PCA3: variants seen among roughly 807,000 people sequenced by gnomAD.
The protein encoded by PCA3 is prostate cancer associated 3.
intron 2 of PCA3, among the ~76,000 whole-genome samples, chr9:76,777,602 T>A (rs981270938): frequency 1.2e-4 from 19 of 152,236 alleles, no homozygotes; most frequent in Non-Finnish European, 2.8e-4. Context: ...GGATACAGTA[T>A]TAAATAAAAC....
intron 2 of PCA3, chr9:76,785,472 T>C (rs2054880207): frequency 6.6e-6 from 1 of 152,022 alleles, no homozygotes; most frequent in Non-Finnish European, 1.5e-5. Flanking sequence ...TATACTTCAT[T>C]TCTCTATCTC....
At chr9:76,767,058 C>T (rs961366211) in intron 2 of PCA3, among the ~76,000 whole-genome samples, 3 of 152,164 alleles carry the variant, frequency 2.0e-5, no homozygotes, top group Non-Finnish European at 2.9e-5. Context: ...TCTGGTATAG[C>T]GTCTCCAACA....
chr9:76,768,200 CT>C (rs58313419), intron 2 of PCA3, among the ~76,000 whole-genome samples: 9 of 148,796 alleles, frequency 6.0e-5, no homozygotes, highest in Admixed American at 1.3e-4. Context: ...AATGATTTTC[CT>C]TTTTTTTTTG....
intron 2 of PCA3, among the ~76,000 whole-genome samples, chr9:76,765,092 T>C (rs1282150179): frequency 1.3e-5 from 2 of 152,300 alleles, no homozygotes; most frequent in South Asian, 2.1e-4. Context: ...TTGAGTTCAG[T>C]AGCAGATGTA....
At chr9:76,781,305 G>A (rs998871159) in intron 2 of PCA3, among the ~76,000 whole-genome samples, 6 of 152,204 alleles carry the variant, frequency 3.9e-5, no homozygotes, top group South Asian at 2.1e-4. Flanking sequence ...TGGCCTGGGA[G>A]GGCTTGAAGG....
intron 2 of PCA3, among the ~76,000 whole-genome samples, chr9:76,773,306 C>A (rs2053317468): frequency 2.0e-5 from 3 of 152,094 alleles, no homozygotes; most frequent in Non-Finnish European, 4.4e-5. Flanking sequence ...TTTCTGTAAA[C>A]CCTGGGAGAA....
intron 2 of PCA3, among the ~76,000 whole-genome samples, chr9:76,775,346 G>A (rs946385727): frequency 6.6e-6 from 1 of 152,080 alleles, no homozygotes; most frequent in African/African-American, 2.4e-5. Flanking sequence ...TCCCAGCCTG[G>A]AGTGCAGTTG....
At chr9:76,774,336 C>T (rs950160092) in intron 2 of PCA3, among the ~76,000 whole-genome samples, 1 of 151,886 alleles carries the variant, frequency 6.6e-6, no homozygotes, top group South Asian at 2.1e-4. Context: ...TGGGGTTTCA[C>T]CATGTTGCCC....
chr9:76,772,503 A>G (rs1306677991), intron 2 of PCA3, among the ~76,000 whole-genome samples: 1 of 152,170 alleles, frequency 6.6e-6, no homozygotes, highest in Non-Finnish European at 1.5e-5. Context: ...AACCTTCTGT[A>G]GTTTTGCAAA....
intron 2 of PCA3, among the ~76,000 whole-genome samples, chr9:76,775,260 G>A (rs2053607140): frequency 6.6e-6 from 1 of 152,094 alleles, no homozygotes; most frequent in Non-Finnish European, 1.5e-5. Flanking sequence ...TCTTTGCAAT[G>A]ACAAAGAGGA....
chr9:76,781,035 C>T (rs957634785), intron 2 of PCA3, among the ~76,000 whole-genome samples: 4 of 152,138 alleles, frequency 2.6e-5, no homozygotes, highest in African/African-American at 9.7e-5. Context: ...TCAACACATC[C>T]TATTGGTTAT....
At chr9:76,764,448 G>C (rs1365061995) in intron 2 of PCA3, 1 of 152,196 alleles carries the variant, frequency 6.6e-6, no homozygotes, top group African/African-American at 2.4e-5. Flanking sequence ...AGAAGAAATA[G>C]CAAGTGCCGA....
At chr9:76,782,636 G>C (rs1195812941) in intron 2 of PCA3, 2 of 152,192 alleles carry the variant, frequency 1.3e-5, no homozygotes. Flanking sequence ...TAAGCGCAGA[G>C]TTTCTTGGAT....
chr9:76,765,078 C>T (rs527313392), intron 2 of PCA3, among the ~76,000 whole-genome samples: 5 of 152,100 alleles, frequency 3.3e-5, no homozygotes, highest in African/African-American at 7.2e-5. Context: ...TAGAGATATA[C>T]GTTTTGAGTT....
chr9:76,780,345 C>T (rs2054234747), intron 2 of PCA3, among the ~76,000 whole-genome samples: 1 of 152,052 alleles, frequency 6.6e-6, no homozygotes, highest in African/African-American at 2.4e-5. Context: ...AACTTGAAGA[C>T]AAGTTGAGAG....
At chr9:76,771,991 A>G (rs1221322752) in intron 2 of PCA3, among the ~76,000 whole-genome samples, 1 of 152,212 alleles carries the variant, frequency 6.6e-6, no homozygotes, top group Admixed American at 6.5e-5. Flanking sequence ...AATCTGCACT[A>G]CAGCAAATTT....
intron 2 of PCA3, among the ~76,000 whole-genome samples, chr9:76,779,465 A>G (rs1031444277): frequency 9.9e-5 from 15 of 152,220 alleles, no homozygotes; most frequent in African/African-American, 3.6e-4. Context: ...GGATGCACTT[A>G]TGAAAAATGG....
chr9:76,776,887 AACACATACACACACACAC>A (rs1158596242), intron 2 of PCA3, among the ~76,000 whole-genome samples: 128 of 96,550 alleles, frequency 1.3e-3, no homozygotes, highest in African/African-American at 4.3e-3. Context: ...TCATTACCAA[AACACATACACACACACAC>A]ACACACACAC....
At chr9:76,784,073 G>A (rs2054714031) in intron 2 of PCA3, 2 of 152,016 alleles carry the variant, frequency 1.3e-5, no homozygotes, top group African/African-American at 2.4e-5. Context: ...TTTTCTACCC[G>A]GGCTCACCTC....
Sources: allele counts gnomAD v4.1 joint callset (sites outside exome capture counted in the v4.1 genomes callset), GRCh38; gene constraint gnomAD v4.1.1; transcripts MANE v1.5; gene names NCBI Gene and HGNC (gene_info 2026-07-23, HGNC 2026-07-21).